GRHL2: variants seen among roughly 807,000 people sequenced by gnomAD.
The protein encoded by GRHL2 is grainyhead like transcription factor 2, also known as grainyhead-like protein 2 homolog.
In GRHL2, 21 loss-of-function variants were observed where a neutral mutation model predicts 83.8. The ratio of observed to expected loss-of-function variants is 0.25; its 90% CI spans 0.18 to 0.36. The LOEUF is 0.36. Among genes scored for constraint, GRHL2 ranks in the 10% least tolerant of loss-of-function variants. The pLI, the probability that GRHL2 is intolerant of heterozygous loss-of-function variation, is 1.00. For missense variants in GRHL2, 623 were observed against 781.8 expected, an observed-to-expected ratio of 0.80 and a Z score of 2.42; for synonymous variants, 280 against 278.9, an observed-to-expected ratio of 1.00 and a Z score of -0.04.
At chr8:101,534,525 T>C (rs1811001988) in intron 1 of GRHL2, among the ~76,000 whole-genome samples, 1 of 152,000 alleles carries the variant, frequency 6.6e-6, no homozygotes, top group Non-Finnish European at 1.5e-5. Context: ...GTCCTATTGG[T>C]CATATAGACC....
intron 9 of GRHL2, among the ~76,000 whole-genome samples, chr8:101,624,004 C>T (rs1813021794): frequency 6.8e-6 from 1 of 147,336 alleles, no homozygotes; most frequent in Admixed American, 6.8e-5. Context: ...GGACAGTACA[C>T]AGTAGGACAG....
intron 1 of GRHL2, among the ~76,000 whole-genome samples, chr8:101,538,849 ATAGT>A (rs1297867504): frequency 2.0e-5 from 3 of 152,218 alleles, no homozygotes; most frequent in Non-Finnish European, 4.4e-5. Flanking sequence ...AATTCATTGC[ATAGT>A]TAAAGGGAAG....
Position 101,669,135 on chromosome 8 carries a change from A to C in GRHL2, c.*2432A>C, listed in dbSNP as rs1009409671. 1 of 152,210 alleles carries C rather than the reference A, an allele frequency of 6.6e-6. No homozygotes were observed. The highest frequency in any genetic ancestry group is 1.5e-5 in the Non-Finnish European group (1 of 68,038). The allele number at this position is 152,210 out of a possible 1,614,324, so 9.4% of individuals were successfully genotyped here. A position where few individuals can be genotyped will look rare whatever the true frequency, so the allele number is the denominator to read the frequency against. The stretch of plus-strand genomic sequence containing the variant: ...TTTGATGAGCAAAATTTCCTGAGCG[A>C]AACACTCCAAAGAGATAGGAAAACT... On this transcript the variant is annotated 3_prime_UTR_variant, in exon 16 of 16. Coordinates refer to ENST00000646743, the MANE Select transcript of GRHL2 (RefSeq NM_024915.4).
At chr8:101,634,202 C>G (rs1387262996) in intron 11 of GRHL2, among the ~76,000 whole-genome samples, 1 of 152,188 alleles carries the variant, frequency 6.6e-6, no homozygotes, top group East Asian at 1.9e-4. Flanking sequence ...CAGGCTTCTC[C>G]CATGGCCTTG....
chr8:101,643,340 A>T (rs905284585), intron 12 of GRHL2, among the ~76,000 whole-genome samples: 9 of 134,302 alleles, frequency 6.7e-5, no homozygotes, highest in Non-Finnish European at 1.4e-4. Context: ...AGTATCAATG[A>T]CTTCTATCCT....
At chr8:101,658,932 A>G (rs1242159373) in intron 14 of GRHL2, among the ~76,000 whole-genome samples, 2 of 152,172 alleles carry the variant, frequency 1.3e-5, no homozygotes, top group African/African-American at 2.4e-5. Flanking sequence ...AAAAATGTTT[A>G]TCGGGGTGCT....
chr8:101,560,932 G>A (rs612357), intron 4 of GRHL2, among the ~76,000 whole-genome samples: 89,234 of 151,872 alleles, frequency 0.59, 28,584 homozygotes, highest in Non-Finnish European at 0.73. Flanking sequence ...CAGTCCATTA[G>A]CCTTTTTGTT....
intron 1 of GRHL2, among the ~76,000 whole-genome samples, chr8:101,539,698 G>A (rs1193080109): frequency 6.6e-6 from 1 of 152,130 alleles, no homozygotes; most frequent in Non-Finnish European, 1.5e-5. Context: ...CCTTTTGTAA[G>A]AAAATCCCAT....
Position 101,557,112 on chromosome 8 carries a change from C to T in GRHL2, c.285-1307C>T, listed in dbSNP as rs191562523. On this transcript the variant is annotated intron_variant, in intron 3 of 15. Transcript: ENST00000646743. ...AATAGTATTTAAATCCCTGTCATGT[C>T]ATCATATTAGTTAACCTCTAACTAA... is the stretch of plus-strand genomic sequence containing the variant. Among the ~76,000 whole-genome samples the T allele has an allele frequency of 6.9e-4, 104 of 150,832 alleles. 2 individuals are homozygous for T. The highest frequency in any genetic ancestry group is 2.4e-3 in the African/African-American group (98 of 41,084).
Position 101,666,857 on chromosome 8 carries a change from C to T in GRHL2, c.*154C>T, listed in dbSNP as rs1051879149. On this transcript the variant is annotated 3_prime_UTR_variant, in exon 16 of 16. Transcript: ENST00000646743. ...GGGGAGTGGGGCAAGGGACAGGCCC[C>T]ACTGTCGGTGTGCTTGGCCCATCCA... The T allele has an allele frequency of 1.4e-6, 1 of 691,244 alleles. No individual in the cohort carries two copies. Among genetic ancestry groups the T allele is most frequent in the East Asian group, 2.7e-5 (1 of 37,036 alleles). The allele number at this position is 691,244 out of a possible 1,614,324, so 42.8% of individuals were successfully genotyped here. A position where few individuals can be genotyped will look rare whatever the true frequency, so the allele number is the denominator to read the frequency against.
intron 1 of GRHL2, among the ~76,000 whole-genome samples, chr8:101,530,895 G>T (rs181779101): frequency 4.2e-4 from 64 of 152,198 alleles, no homozygotes; most frequent in Admixed American, 3.8e-3. Flanking sequence ...TGTGAAAATA[G>T]AGCATGGTCA....
chr8:101,591,127 C>T (rs528882767), intron 7 of GRHL2, among the ~76,000 whole-genome samples: 9 of 152,046 alleles, frequency 5.9e-5, no homozygotes, highest in African/African-American at 9.6e-5. Context: ...TGATTATATG[C>T]AAAAGATAAA....
At chr8:101,645,116 A>ATTTTTTTTT (rs553249046) in intron 13 of GRHL2, among the ~76,000 whole-genome samples, 1 of 117,344 alleles carries the variant, frequency 8.5e-6, no homozygotes, top group African/African-American at 3.3e-5. Context: ...GCAGTACAGA[A>ATTTTTTTTT]TTTTTTTTTT....
chr8:101,520,138 C>T (rs949544627), intron 1 of GRHL2, among the ~76,000 whole-genome samples: 1 of 152,198 alleles, frequency 6.6e-6, no homozygotes, highest in African/African-American at 2.4e-5. Flanking sequence ...CAGACTTTCC[C>T]ATTACTTTCT....
intron 9 of GRHL2, among the ~76,000 whole-genome samples, chr8:101,631,343 T>C (rs1171856801): frequency 6.6e-6 from 1 of 152,198 alleles, no homozygotes; most frequent in African/African-American, 2.4e-5. Context: ...GGGAACTGGG[T>C]TGATTCTTTC....
At chr8:101,622,627 AAG>A (rs1171571243) in intron 9 of GRHL2, among the ~76,000 whole-genome samples, 1 of 152,182 alleles carries the variant, frequency 6.6e-6, no homozygotes, top group African/African-American at 2.4e-5. Flanking sequence ...AGATGCTGGG[AAG>A]AGAGAGGAAC....
intron 14 of GRHL2, among the ~76,000 whole-genome samples, chr8:101,650,514 C>A (rs980545857): frequency 6.6e-6 from 1 of 152,078 alleles, no homozygotes; most frequent in Non-Finnish European, 1.5e-5. Context: ...GTTTCCAGTT[C>A]TTTTGGGTAT....
At chr8:101,635,078 G>T (rs1461329635) in intron 11 of GRHL2, among the ~76,000 whole-genome samples, 1 of 152,076 alleles carries the variant, frequency 6.6e-6, no homozygotes, top group African/African-American at 2.4e-5. Context: ...ACCCAAGGAG[G>T]ACTCCTCTCT....
At chr8:101,601,027 G>A (rs531988044) in intron 8 of GRHL2, among the ~76,000 whole-genome samples, 11 of 152,160 alleles carry the variant, frequency 7.2e-5, no homozygotes, top group Middle Eastern at 3.4e-3. Flanking sequence ...GGGCAGGGTG[G>A]CATGCATCTG....
Sources: allele counts gnomAD v4.1 joint callset (sites outside exome capture counted in the v4.1 genomes callset), GRCh38; gene constraint gnomAD v4.1.1; transcripts MANE v1.5; gene names NCBI Gene and HGNC (gene_info 2026-07-23, HGNC 2026-07-21).